The following RNF185 variants were observed in gnomAD, a reference collection of about 807,000 sequenced individuals.
RNF185 encodes the protein ring finger protein 185, also known as E3 ubiquitin-protein ligase RNF185.
A neutral mutation model predicts 24.9 loss-of-function variants in RNF185; 13 were observed. The ratio of observed to expected loss-of-function variants is 0.52; its 90% confidence interval spans 0.34 to 0.83. The LOEUF (loss-of-function observed/expected upper bound fraction) is 0.83, where lower values mean the gene tolerates loss of function less well. RNF185 is among the 40% of genes least tolerant of loss of function. The probability of loss-of-function intolerance (pLI) is 0.01; values close to 1 mark genes in which losing one functional copy is unlikely to be tolerated. For missense variants in RNF185, 184 were observed against 244.7 expected (o/e 0.75, Z 1.65); for synonymous variants, 79 against 90.3 (o/e 0.88, Z 0.71).
At chr22:31,185,840 A>G (rs974647941) in intron 1 of RNF185, among the ~76,000 whole-genome samples, 24 of 152,172 alleles carry the variant, frequency 1.6e-4, no homozygotes, top group African/African-American at 5.6e-4. Context: ...GTGGTGGTCA[A>G]CAGTGGTCTG....
chr22:31,205,470 C>T lies in RNF185; in HGVS notation c.*884C>T, dbSNP rs1431553246. 6 of 153,630 alleles carry T rather than the reference C, an allele frequency of 3.9e-5. No homozygotes were observed. Among genetic ancestry groups the T allele is most frequent in the Non-Finnish European group, 7.3e-5 (5 of 68,040 alleles). The allele number at this position is 153,630 out of a possible 1,614,324, so 9.5% of individuals were successfully genotyped here. On this transcript the variant is annotated 3_prime_UTR_variant, in exon 7 of 7. Transcript: ENST00000326132. Reference sequence around the variant, plus strand: ...AGGACTTTGGTGGGATTTGGAGCTCCGAGGCAGTAATAACTGAACAAGCAG... The same window carrying T: ...AGGACTTTGGTGGGATTTGGAGCTCTGAGGCAGTAATAACTGAACAAGCAG...
chr22:31,165,648 C>A (rs937028781), intron 1 of RNF185, among the ~76,000 whole-genome samples: 2 of 152,202 alleles, frequency 1.3e-5, no homozygotes, highest in African/African-American at 4.8e-5. Context: ...GACTCAAACC[C>A]AGCCACTTCT....
At chr22:31,185,788 CT>C (rs2048092886) in intron 1 of RNF185, among the ~76,000 whole-genome samples, 1 of 152,144 alleles carries the variant, frequency 6.6e-6, no homozygotes, top group Admixed American at 6.5e-5. Flanking sequence ...TGGTTTTATC[CT>C]CTTTCTTGTT....
intron 1 of RNF185, 128 bp downstream of exon 1, chr22:31,160,431 C>CG (rs1311976762): frequency 6.6e-6 from 1 of 152,208 alleles, no homozygotes; most frequent in Non-Finnish European, 1.5e-5. Context: ...ACAGCAAGAC[C>CG]GGTCGTGTCT....
At position 31,187,283 on chromosome 22, in the gene RNF185, A is replaced by G. The variant is rs762566455; in HGVS notation, c.176+13A>G. 5 of 1,613,288 alleles carry G rather than the reference A, an allele frequency of 3.1e-6. No homozygotes were observed. The highest frequency in any genetic ancestry group is 2.2e-5 in the South Asian group (2 of 91,000). On this transcript the variant is annotated intron_variant, in intron 2 of 6. Coordinates refer to ENST00000326132, the MANE Select transcript of RNF185 (RefSeq NM_152267.4). Reference sequence around the variant, plus strand: ...GCCACCTCTTCTGGTCAGTACCCCTACTTCCACCCCAGAGAGCACATTGCC... The same window carrying G: ...GCCACCTCTTCTGGTCAGTACCCCTGCTTCCACCCCAGAGAGCACATTGCC...
intron 4 of RNF185, among the ~76,000 whole-genome samples, chr22:31,196,154 C>G (rs1568972073): frequency 6.6e-6 from 1 of 152,146 alleles, no homozygotes; most frequent in Non-Finnish European, 1.5e-5. Context: ...TATTTGCTCT[C>G]TCTTCTGCCT....
At chr22:31,201,829 T>A (rs2048265636) in intron 6 of RNF185, among the ~76,000 whole-genome samples, 1 of 152,192 alleles carries the variant, frequency 6.6e-6, no homozygotes, top group African/African-American at 2.4e-5. Flanking sequence ...TATAGCACTT[T>A]CCATTCCAAG....
At chr22:31,179,260 A>T (rs2048011944) in intron 1 of RNF185, among the ~76,000 whole-genome samples, 1 of 152,164 alleles carries the variant, frequency 6.6e-6, no homozygotes, top group African/African-American at 2.4e-5. Flanking sequence ...TCCTGAGCCG[A>T]TCAGGAACCT....
chr22:31,187,509 A>G (rs1447514881), intron 2 of RNF185, among the ~76,000 whole-genome samples: 1 of 152,214 alleles, frequency 6.6e-6, no homozygotes, highest in East Asian at 1.9e-4. Flanking sequence ...CTTACCATTT[A>G]GTGAGCACTT....
At chr22:31,182,698 C>G (rs1478934433) in intron 1 of RNF185, among the ~76,000 whole-genome samples, 1 of 151,718 alleles carries the variant, frequency 6.6e-6, no homozygotes, top group African/African-American at 2.4e-5. Flanking sequence ...GAATCTTGTT[C>G]CAATAAGACC....
chr22:31,161,803 C>T (rs191539853), intron 1 of RNF185, among the ~76,000 whole-genome samples: 1 of 151,388 alleles, frequency 6.6e-6, no homozygotes, highest in East Asian at 1.9e-4. Flanking sequence ...TGTTGGCTAG[C>T]TTTCCATGCA....
chr22:31,168,675 TC>T (rs1568959171), intron 1 of RNF185, among the ~76,000 whole-genome samples: 2 of 152,304 alleles, frequency 1.3e-5, no homozygotes, highest in South Asian at 2.1e-4. Context: ...CATTTTACAT[TC>T]CCACCAACAG....
At position 31,187,215 on chromosome 22, in the gene RNF185, A is replaced by G. The variant is rs1283669718; in HGVS notation, c.121A>G (p.Ile41Val). The G allele has an allele frequency of 1.2e-6, 2 of 1,614,090 alleles. No homozygotes were observed. Among genetic ancestry groups the G allele is most frequent in the Non-Finnish European group, 1.7e-6 (2 of 1,179,966 alleles). ...GGQDSTFECN[I>V]CLDTAKDAVI... ...GCAGGACAGCACTTTCGAGTGCAAC[A>G]TCTGCTTGGACACAGCCAAGGATGC... Residue 41 changes from isoleucine to valine, a missense_variant, in exon 2 of 7, where the codon ATC (isoleucine) becomes GTC (valine). Transcript: ENST00000326132.
At chr22:31,176,196 C>CT (rs200039899) in intron 1 of RNF185, among the ~76,000 whole-genome samples, 3 of 151,878 alleles carry the variant, frequency 2.0e-5, no homozygotes, top group Admixed American at 6.6e-5. Flanking sequence ...TTTTTGACCT[C>CT]TTTTTTTGGT....
chr22:31,189,632 A>G (rs368025252), intron 2 of RNF185, among the ~76,000 whole-genome samples: 1 of 148,062 alleles, frequency 6.8e-6, no homozygotes, highest in East Asian at 2.0e-4. Context: ...TTAGAGACGA[A>G]GTCTTGCTTT....
intron 2 of RNF185, among the ~76,000 whole-genome samples, chr22:31,188,930 C>T (rs1360653710): frequency 6.9e-6 from 1 of 145,366 alleles, no homozygotes; most frequent in Non-Finnish European, 1.5e-5. Context: ...ACCATCCTGG[C>T]TAACACGGTG....
At chr22:31,193,655 G>A (rs1331236203) in intron 3 of RNF185, among the ~76,000 whole-genome samples, 5 of 151,890 alleles carry the variant, frequency 3.3e-5, no homozygotes, top group East Asian at 2.0e-4. Context: ...TTAGCTGGGC[G>A]TGGTGGTGCA....
chr22:31,194,350 T>C (rs762305657), intron 3 of RNF185, among the ~76,000 whole-genome samples: 5 of 152,176 alleles, frequency 3.3e-5, no homozygotes, highest in Non-Finnish European at 4.4e-5. Context: ...ACCTATCCTT[T>C]AGCATGTGGT....
At chr22:31,185,292 G>A (rs999248789) in intron 1 of RNF185, among the ~76,000 whole-genome samples, 1 of 152,168 alleles carries the variant, frequency 6.6e-6, no homozygotes, top group African/African-American at 2.4e-5. Context: ...ATCGTGGTGA[G>A]GGATACTCAT....
Sources: gnomAD v4.1 joint callset for allele counts (sites outside exome capture counted in the v4.1 genomes callset) on GRCh38, gnomAD v4.1.1 for gene constraint, MANE v1.5 for transcripts, NCBI Gene and HGNC (gene_info 2026-07-23, HGNC 2026-07-21) for gene names.